LOXL2: variants seen among roughly 807,000 people sequenced by gnomAD.
The protein encoded by LOXL2 is lysyl oxidase like 2.
LOXL2 carries 70 observed loss-of-function variants against 93.0 expected under a neutral mutation model. The observed-to-expected ratio is 0.75, with a 90% CI of 0.62 to 0.92. The LOEUF (loss-of-function observed/expected upper bound fraction) is 0.92. LOXL2 is among the 40% of genes least tolerant of loss of function. The pLI is 0.00. For synonymous variants in LOXL2, 438 were observed against 413.2 expected (o/e 1.06, Z -0.73); for missense variants, 973 against 1,054.9 (o/e 0.92, Z 1.08).
chr8:23,360,736 T>TAGTGATGATGATGATAATGATGAC (rs1804275543), intron 2 of LOXL2, among the ~76,000 whole-genome samples: 3 of 152,034 alleles, frequency 2.0e-5, no homozygotes, highest in Non-Finnish European at 4.4e-5. Flanking sequence ...TTACTAAAAA[T>TAGTGATGATGATGATAATGATGAC]AGTGATGATG....
intron 3 of LOXL2, among the ~76,000 whole-genome samples, chr8:23,351,673 T>A (rs1461532824): frequency 6.6e-6 from 1 of 152,180 alleles, no homozygotes; most frequent in African/African-American, 2.4e-5. Flanking sequence ...AGAAACCAGG[T>A]TCCCATCTGT....
intron 6 of LOXL2, among the ~76,000 whole-genome samples, chr8:23,328,071 C>T (rs1323081490): frequency 6.6e-6 from 1 of 152,070 alleles, no homozygotes; most frequent in Non-Finnish European, 1.5e-5. Flanking sequence ...GGTAAGACAG[C>T]AGAGAGCACT....
chr8:23,343,522 T>G (rs974828479), intron 3 of LOXL2, among the ~76,000 whole-genome samples: 1 of 152,168 alleles, frequency 6.6e-6, no homozygotes, highest in Non-Finnish European at 1.5e-5. Flanking sequence ...CCTGTCCAAC[T>G]GAGATGCAAA....
In LOXL2 at chr8:23,351,093, C is replaced by T. The variant is rs1375386468; in HGVS notation, c.531+8997G>A. ...GATGGTAAGCTCAGGATGGGCAAGA[C>T]GGTCCGTTCCATCACTCCCTTTATC... On this transcript the variant is annotated intron_variant, in intron 3 of 13. Coordinates refer to ENST00000389131, the MANE Select transcript of LOXL2 (RefSeq NM_002318.3). 3.9e-5 allele frequency among the ~76,000 whole-genome samples: 6 copies of T among 152,194 alleles called. 1 individual carries two copies. In the South Asian group the frequency reaches 8.3e-4, roughly 21 times the overall value.
At chr8:23,355,451 G>T (rs1202481491) in intron 3 of LOXL2, among the ~76,000 whole-genome samples, 2 of 150,432 alleles carry the variant, frequency 1.3e-5, no homozygotes, top group Non-Finnish European at 2.9e-5. Flanking sequence ...GTCAGCGACT[G>T]GTCCAAAAGG....
At chr8:23,351,902 T>C (rs560612961) in intron 3 of LOXL2, among the ~76,000 whole-genome samples, 2 of 152,284 alleles carry the variant, frequency 1.3e-5, no homozygotes, top group South Asian at 4.1e-4. Flanking sequence ...GTGCAGTGGC[T>C]GCAACCTCTA....
chr8:23,375,328 A>G (rs1205341193), intron 1 of LOXL2, among the ~76,000 whole-genome samples: 2 of 152,130 alleles, frequency 1.3e-5, no homozygotes, highest in Non-Finnish European at 2.9e-5. Flanking sequence ...TACCAGTACC[A>G]TGCTGTTTTG....
chr8:23,339,083 C>T (rs1169875132), intron 4 of LOXL2, among the ~76,000 whole-genome samples: 1 of 152,102 alleles, frequency 6.6e-6, no homozygotes, highest in East Asian at 1.9e-4. Context: ...AGCTCAGCCC[C>T]GACAGCCCAC....
intron 2 of LOXL2, among the ~76,000 whole-genome samples, chr8:23,366,666 G>A: frequency 6.6e-6 from 1 of 152,216 alleles, no homozygotes; most frequent in East Asian, 1.9e-4. Context: ...TAGCCCTTTA[G>A]TCCAGGACAG....
chr8:23,376,903 T>C (rs1406825133), intron 1 of LOXL2, among the ~76,000 whole-genome samples: 69 of 152,296 alleles, frequency 4.5e-4, no homozygotes, highest in African/African-American at 1.6e-3. Context: ...CCTGGATTCA[T>C]TGATTTTTTG....
intron 1 of LOXL2, among the ~76,000 whole-genome samples, chr8:23,401,562 T>C (rs1489534828): frequency 6.7e-6 from 1 of 149,920 alleles, no homozygotes; most frequent in South Asian, 2.1e-4. Flanking sequence ...AAAATAACTG[T>C]TGAAATTCAG....
chr8:23,379,679 G>T (rs182817868), intron 1 of LOXL2, among the ~76,000 whole-genome samples: 1 of 152,082 alleles, frequency 6.6e-6, no homozygotes, highest in Admixed American at 6.5e-5. Flanking sequence ...CTTGCAGTTC[G>T]ATCTCAGACT....
intron 1 of LOXL2, among the ~76,000 whole-genome samples, chr8:23,396,626 C>G (rs1193129408): frequency 1.3e-5 from 2 of 152,178 alleles, no homozygotes; most frequent in African/African-American, 4.8e-5. Context: ...ACTTAAATCT[C>G]ATAACTAATC....
chr8:23,388,935 C>G (rs930667094), intron 1 of LOXL2, among the ~76,000 whole-genome samples: 1 of 152,108 alleles, frequency 6.6e-6, no homozygotes, highest in African/African-American at 2.4e-5. Context: ...TGAACTTACT[C>G]AAGGTTCTGA....
intron 1 of LOXL2, among the ~76,000 whole-genome samples, chr8:23,377,177 C>G (rs894440678): frequency 1.3e-5 from 2 of 152,088 alleles, no homozygotes; most frequent in African/African-American, 4.8e-5. Context: ...ATCTTTATTT[C>G]TGCCTTCATT....
chr8:23,363,394 C>T (rs1233419706), intron 2 of LOXL2: 3 of 152,212 alleles, frequency 2.0e-5, no homozygotes, highest in Non-Finnish European at 4.4e-5. Context: ...GGTTTTCCAA[C>T]TGGCTTCTCA....
intron 6 of LOXL2, 117 bp downstream of exon 6, chr8:23,328,251 TCTCCCAGGCAGCCA>T (rs1360204262): frequency 4.4e-6 from 4 of 902,096 alleles, no homozygotes; most frequent in Non-Finnish European, 6.9e-6. Context: ...CCTGGGATTC[TCTCCCAGGCAGCCA>T]CTAAAGGGAG....
At chr8:23,358,918 T>C (rs1228937163) in intron 3 of LOXL2, among the ~76,000 whole-genome samples, 1 of 151,144 alleles carries the variant, frequency 6.6e-6, no homozygotes, top group Non-Finnish European at 1.5e-5. Context: ...CTCAGCTCAG[T>C]GCAAGCTCCG....
chr8:23,384,921 C>G (rs561061805), intron 1 of LOXL2, among the ~76,000 whole-genome samples: 1 of 152,202 alleles, frequency 6.6e-6, no homozygotes, highest in South Asian at 2.1e-4. Flanking sequence ...AACAAACAAA[C>G]AAAAAGCCTC....
Sources: gnomAD v4.1 joint callset for allele counts (sites outside exome capture counted in the v4.1 genomes callset) on GRCh38, gnomAD v4.1.1 for gene constraint, MANE v1.5 for transcripts, NCBI Gene and HGNC (gene_info 2026-07-23, HGNC 2026-07-21) for gene names.